Variants in DGKH observed in about 807,000 individuals in gnomAD.
The protein encoded by DGKH is diacylglycerol kinase eta, also known as DAG kinase eta.
In DGKH, 90 loss-of-function variants were observed where a neutral mutation model predicts 159.3. That is an observed-to-expected ratio of 0.57 (90% CI 0.48 to 0.67). The LOEUF is 0.67. Among genes scored for constraint, DGKH ranks in the 30% least tolerant of loss-of-function variants. The pLI is 0.00. For missense variants in DGKH, 1,181 were observed against 1,506.1 expected (o/e 0.78, Z 3.57); for synonymous variants, 536 against 553.8 (o/e 0.97, Z 0.45).
chr13:42,118,290 C>T (rs146793816), intron 1 of DGKH, among the ~76,000 whole-genome samples: 126 of 152,282 alleles, frequency 8.3e-4, no homozygotes, highest in Non-Finnish European at 1.5e-3. Flanking sequence ...AGGGGCCCAG[C>T]GCTTTCCCGT....
intron 13 of DGKH, among the ~76,000 whole-genome samples, chr13:42,182,501 A>G (rs1360298737): frequency 6.6e-6 from 1 of 152,216 alleles, no homozygotes; most frequent in East Asian, 1.9e-4. Context: ...ATTTGCATAT[A>G]ACCTACACAC....
chr13:42,053,063 C>T (rs915562706), intron 1 of DGKH, among the ~76,000 whole-genome samples: 5 of 152,012 alleles, frequency 3.3e-5, no homozygotes, highest in South Asian at 2.1e-4. Context: ...AGGCTGAGGG[C>T]GGTGGCTTAT....
intron 20 of DGKH, among the ~76,000 whole-genome samples, chr13:42,200,150 C>G (rs1021484649): frequency 1.3e-5 from 2 of 152,108 alleles, no homozygotes; most frequent in African/African-American, 4.8e-5. Flanking sequence ...TGGTGCCCCA[C>G]GTAAAAGTGG....
intron 3 of DGKH, among the ~76,000 whole-genome samples, chr13:42,131,279 T>A (rs1190558643): frequency 2.0e-5 from 3 of 152,200 alleles, no homozygotes; most frequent in Non-Finnish European, 4.4e-5. Context: ...TGTTGTGTTT[T>A]AAAAATGATT....
chr13:42,172,621 A>T (rs1017498041), intron 11 of DGKH, among the ~76,000 whole-genome samples: 1 of 152,150 alleles, frequency 6.6e-6, no homozygotes, highest in Non-Finnish European at 1.5e-5. Context: ...CTTAAAATTC[A>T]TTTGTTAAGG....
intron 29 of DGKH, among the ~76,000 whole-genome samples, chr13:42,252,121 C>A (rs1014820715): frequency 2.0e-5 from 3 of 149,504 alleles, no homozygotes; most frequent in Non-Finnish European, 4.5e-5. Flanking sequence ...AATGAAAGAG[C>A]TTTTCCTTTT....
chr13:42,139,475 T>G lies in DGKH; in HGVS notation c.384+9843T>G, dbSNP rs2038884. Among the ~76,000 whole-genome samples the G allele has an allele frequency of 5.4e-3, 820 of 152,304 alleles. 10 individuals carry two copies. The highest frequency in any genetic ancestry group is 0.019 in the African/African-American group (785 of 41,582). On this transcript the variant is annotated intron_variant, in intron 3 of 29. Coordinates refer to ENST00000337343, the MANE Select transcript of DGKH (RefSeq NM_178009.5). ...TCATCCAAAGAGCTGTGTCGGACTT[T>G]CAGTCAGGGTGTCATGATCATTTGC... is the stretch of plus-strand genomic sequence containing the variant.
chr13:42,067,985 A>T (rs564594178), intron 1 of DGKH, among the ~76,000 whole-genome samples: 27 of 152,222 alleles, frequency 1.8e-4, no homozygotes, highest in Admixed American at 7.8e-4. Context: ...TCATTTTTTT[A>T]AAAAAATAAA....
intron 3 of DGKH, among the ~76,000 whole-genome samples, chr13:42,146,375 T>C (rs1290034317): frequency 6.6e-6 from 1 of 152,192 alleles, no homozygotes; most frequent in Non-Finnish European, 1.5e-5. Context: ...TTCAAGTCTT[T>C]AGATTCATCA....
chr13:42,170,119 A>G (rs983200996), intron 11 of DGKH, among the ~76,000 whole-genome samples: 2 of 152,226 alleles, frequency 1.3e-5, no homozygotes, highest in African/African-American at 4.8e-5. Context: ...TTCCCAGACA[A>G]CTGTCCAATT....
intron 3 of DGKH, among the ~76,000 whole-genome samples, chr13:42,134,977 TA>T (rs35502947): frequency 0.36 from 55,237 of 151,574 alleles, 10,967 homozygotes; most frequent in South Asian, 0.45. Flanking sequence ...ACTCTGTCTC[TA>T]AAAAAAAGAA....
intron 1 of DGKH, among the ~76,000 whole-genome samples, chr13:42,094,064 A>G (rs1954474620): frequency 6.8e-6 from 1 of 147,064 alleles, no homozygotes; most frequent in Non-Finnish European, 1.5e-5. Flanking sequence ...GTCAAATTGA[A>G]CAATGAGAAC....
chr13:42,200,506 T>C (rs1254465804), intron 20 of DGKH, among the ~76,000 whole-genome samples: 1 of 152,228 alleles, frequency 6.6e-6, no homozygotes, highest in African/African-American at 2.4e-5. Context: ...TGAATTTTAT[T>C]TTATTTTACC....
Position 42,174,057 on chromosome 13 carries a change from C to T in DGKH, c.1368-3C>T, listed in dbSNP as rs1158241534. 1.2e-6 allele frequency: 2 copies of T among 1,611,154 alleles called. No homozygotes were observed. The highest frequency in any genetic ancestry group is 2.2e-5 in the East Asian group (1 of 44,840). ...TTTGACCAAAGAGTTTTTCTCCCTT[C>T]AGGTGGAGTATAATGACATATGAAC... On this transcript the variant is annotated splice_polypyrimidine_tract_variant and splice_region_variant and intron_variant, in intron 11 of 29. Transcript: ENST00000337343.
chr13:42,040,757 G>GGGCGGC (rs895060894), intron 1 of DGKH, among the ~76,000 whole-genome samples: 12 of 149,054 alleles, frequency 8.1e-5, no homozygotes, highest in Non-Finnish European at 7.5e-5. Flanking sequence ...CGGGGAGCCG[G>GGGCGGC]GGCGGCGGCG....
At chr13:42,185,675 T>C (rs1460871413) in intron 13 of DGKH, among the ~76,000 whole-genome samples, 5 of 152,178 alleles carry the variant, frequency 3.3e-5, no homozygotes, top group African/African-American at 1.2e-4. Flanking sequence ...AAACTTTCAG[T>C]AAAATGCCTA....
chr13:42,112,418 A>C (rs1019309469), intron 1 of DGKH, among the ~76,000 whole-genome samples: 40 of 151,328 alleles, frequency 2.6e-4, no homozygotes, highest in African/African-American at 9.7e-4. Context: ...AGTAGGTGGG[A>C]CTACAAGAGT....
At chr13:42,041,299 C>G (rs1011767085) in intron 1 of DGKH, among the ~76,000 whole-genome samples, 5 of 152,134 alleles carry the variant, frequency 3.3e-5, no homozygotes, top group African/African-American at 1.2e-4. Flanking sequence ...GCCCGGTTTT[C>G]CCTGTCGAGA....
At chr13:42,099,428 G>A (rs968953073) in intron 1 of DGKH, among the ~76,000 whole-genome samples, 1 of 152,172 alleles carries the variant, frequency 6.6e-6, no homozygotes, top group African/African-American at 2.4e-5. Flanking sequence ...AATGTGGGGT[G>A]TGCTAGGAAA....
Sources: allele counts gnomAD v4.1 joint callset (sites outside exome capture counted in the v4.1 genomes callset), GRCh38; gene constraint gnomAD v4.1.1; transcripts MANE v1.5; gene names NCBI Gene and HGNC (gene_info 2026-07-23, HGNC 2026-07-21).